ATXN1: variants seen among roughly 807,000 people sequenced by gnomAD.
ATXN1 encodes ataxin-1.
ATXN1 carries 8 observed loss-of-function variants against 56.4 expected under a neutral mutation model. That is an observed-to-expected ratio of 0.14 (90% CI 0.08 to 0.26). The LOEUF (loss-of-function observed/expected upper bound fraction) is 0.26, where lower values mean the gene tolerates loss of function less well. ATXN1 is among the 10% of genes least tolerant of loss of function. The probability of loss-of-function intolerance (pLI) is 1.00; values close to 1 mark genes in which losing one functional copy is unlikely to be tolerated. For missense variants in ATXN1, 987 were observed against 1,106.5 expected (o/e 0.89, Z 1.53); for synonymous variants, 514 against 494.6 (o/e 1.04, Z -0.52).
chr6:16,628,836 T>G (rs78258857), intron 3 of ATXN1, among the ~76,000 whole-genome samples: 12,196 of 152,256 alleles, frequency 0.08, 1,610 homozygotes, highest in African/African-American at 0.28. Flanking sequence ...CATGGTAATA[T>G]GTACCACATT....
intron 6 of ATXN1, among the ~76,000 whole-genome samples, chr6:16,431,704 A>G (rs1350149438): frequency 6.6e-6 from 1 of 152,244 alleles, no homozygotes; most frequent in Non-Finnish European, 1.5e-5. Flanking sequence ...AAACTAAGGC[A>G]GGGAGAACTG....
chr6:16,481,584 C>A (rs1760439767), intron 6 of ATXN1, among the ~76,000 whole-genome samples: 1 of 152,156 alleles, frequency 6.6e-6, no homozygotes, highest in African/African-American at 2.4e-5. Flanking sequence ...CATAGACACA[C>A]AAAATTCCAG....
chr6:16,760,825 T>TC lies in ATXN1; in HGVS notation c.-730+472dup. ...CCACCCCCCAACCCCAGCCGCCGCC[T>TC]CCCCCCTGCGCCACCCGGAGGGAGG... On this transcript the variant is annotated intron_variant, in intron 1 of 7. Coordinates refer to ENST00000436367, the MANE Select transcript of ATXN1 (RefSeq NM_001128164.2). The surrounding 1 kb of genome is among the most constrained non-coding windows in gnomAD (Gnocchi z 5.3). 6.8e-6 allele frequency among the ~76,000 whole-genome samples: 1 copy of TC among 147,616 alleles called. No homozygotes were observed. The highest frequency in any genetic ancestry group is 1.5e-5 in the Non-Finnish European group (1 of 66,666).
rs1761769704 is a variant in ATXN1, at chr6:16,359,792, T to A, written c.-160-31322A>T. ...TTAAAAGGCGTTGCGGCCACAGAAGTTTCCCATCAGAAAAATTGACACCCC... is the reference window on the plus strand; with the variant it reads ...TTAAAAGGCGTTGCGGCCACAGAAGATTCCCATCAGAAAAATTGACACCCC... On this transcript the variant is annotated intron_variant, in intron 6 of 7. Transcript: ENST00000436367. Among the ~76,000 whole-genome samples the A allele has an allele frequency of 2.0e-5, 3 of 151,910 alleles. No individual in the cohort carries two copies. In the South Asian group the frequency reaches 6.3e-4, roughly 32 times the overall value.
chr6:16,671,744 A>G (rs1050648044), intron 2 of ATXN1, among the ~76,000 whole-genome samples: 1 of 152,192 alleles, frequency 6.6e-6, no homozygotes, highest in African/African-American at 2.4e-5. Flanking sequence ...AATTCGAACA[A>G]TCAAGGGTCA....
chr6:16,340,003 G>T (rs999841066), intron 6 of ATXN1, among the ~76,000 whole-genome samples: 2 of 152,148 alleles, frequency 1.3e-5, no homozygotes, highest in Admixed American at 1.3e-4. Flanking sequence ...GGATGGTCTC[G>T]ATCTCTTGAC....
At chr6:16,565,495 G>C (rs1435284672) in intron 4 of ATXN1, among the ~76,000 whole-genome samples, 2 of 152,036 alleles carry the variant, frequency 1.3e-5, no homozygotes, top group Non-Finnish European at 2.9e-5. Flanking sequence ...AAAATCAACA[G>C]TGTTTTTAAA....
At chr6:16,706,999 C>A (rs1304625815) in intron 2 of ATXN1, among the ~76,000 whole-genome samples, 4 of 152,176 alleles carry the variant, frequency 2.6e-5, no homozygotes, top group African/African-American at 9.6e-5. Flanking sequence ...TTTTCTGTCA[C>A]CTAAATGTCT....
chr6:16,387,657 C>T (rs9477110), intron 6 of ATXN1, among the ~76,000 whole-genome samples: 18,330 of 152,108 alleles, frequency 0.12, 1,186 homozygotes, highest in African/African-American at 0.15. Context: ...AGCAGAGGGC[C>T]GTCCTGCCTG....
At chr6:16,719,546 T>C (rs1263734568) in intron 2 of ATXN1, among the ~76,000 whole-genome samples, 1 of 152,148 alleles carries the variant, frequency 6.6e-6, no homozygotes, top group Non-Finnish European at 1.5e-5. Flanking sequence ...GGGCTTAGAA[T>C]GAAAGATTAA....
rs139959906 is a variant in ATXN1, at chr6:16,540,745, C to T, written c.-360-18057G>A. 2.3e-3 allele frequency among the ~76,000 whole-genome samples: 344 copies of T among 152,264 alleles called. 1 individual carries two copies. Among genetic ancestry groups the T allele is most frequent in the African/African-American group, 7.7e-3 (320 of 41,544 alleles). Reference sequence around the variant, plus strand: ...GGTTTGTGTTGTGTTTTACAGTTTACAAAATATTTGCACATGCTTTTTCCC... The same window carrying T: ...GGTTTGTGTTGTGTTTTACAGTTTATAAAATATTTGCACATGCTTTTTCCC... On this transcript the variant is annotated intron_variant, in intron 4 of 7. Transcript: ENST00000436367.
intron 4 of ATXN1, among the ~76,000 whole-genome samples, chr6:16,538,788 C>T (rs550687858): frequency 7.2e-5 from 11 of 152,282 alleles, no homozygotes; most frequent in African/African-American, 2.6e-4. Flanking sequence ...CAGGTTCAAG[C>T]AATCCTCTCG....
At chr6:16,495,993 C>T (rs1173275184) in intron 5 of ATXN1, among the ~76,000 whole-genome samples, 2 of 152,136 alleles carry the variant, frequency 1.3e-5, no homozygotes, top group Admixed American at 6.6e-5. Context: ...ATAATGTTTG[C>T]CCCCACAGAA....
rs1386014272 is a variant in ATXN1, at chr6:16,753,355, G to A, written c.-729-8C>T. ...ACTTGATGCACGATGCTCCTGCAAT[G>A]GTCGAGGGAGTGCAGGAGAGGAAAT... On this transcript the variant is annotated splice_region_variant and splice_polypyrimidine_tract_variant and intron_variant, in intron 1 of 7. Coordinates refer to ENST00000436367, the MANE Select transcript of ATXN1 (RefSeq NM_001128164.2). The A allele has an allele frequency of 2.2e-6, 1 of 456,822 alleles. No homozygotes were observed. Among genetic ancestry groups the A allele is most frequent in the East Asian group, 6.9e-5 (1 of 14,400 alleles). 28.3% of individuals were successfully genotyped at this position (456,822 alleles called of 1,614,324 possible).
chr6:16,388,232 G>A (rs1391216149), intron 6 of ATXN1, among the ~76,000 whole-genome samples: 7 of 152,194 alleles, frequency 4.6e-5, no homozygotes, highest in Non-Finnish European at 1.0e-4. Flanking sequence ...GCTGTCAGCT[G>A]CAGGCCTGGG....
chr6:16,720,280 C>A (rs1012616049), intron 2 of ATXN1, among the ~76,000 whole-genome samples: 22 of 152,294 alleles, frequency 1.4e-4, no homozygotes, highest in African/African-American at 5.1e-4. Flanking sequence ...TGCCATCACT[C>A]TTTCTCCTAA....
At chr6:16,694,011 T>C (rs1473931682) in intron 2 of ATXN1, among the ~76,000 whole-genome samples, 1 of 152,172 alleles carries the variant, frequency 6.6e-6, no homozygotes, top group East Asian at 1.9e-4. Flanking sequence ...AATACAAAAG[T>C]CAAAACTTGA....
intron 6 of ATXN1, among the ~76,000 whole-genome samples, chr6:16,458,547 C>T (rs779962549): frequency 2.3e-4 from 35 of 152,088 alleles, no homozygotes; most frequent in Non-Finnish European, 3.1e-4. Context: ...CTGGCAACCG[C>T]GGTGTTCTCT....
rs554140205 is a variant in ATXN1, at chr6:16,533,308, A to G, written c.-360-10620T>C. Among the ~76,000 whole-genome samples the G allele has an allele frequency of 2.6e-5, 4 of 152,314 alleles. No homozygotes were observed. In the South Asian group the frequency reaches 8.3e-4, roughly 32 times the overall value. ...TCTGTTTGGATCAAGATATCCCAAG[A>G]AGTTTCAAATGAGAGTTGAAACTTG... On this transcript the variant is annotated intron_variant, in intron 4 of 7. Coordinates refer to ENST00000436367, the MANE Select transcript of ATXN1 (RefSeq NM_001128164.2).
Sources: gnomAD v4.1 joint callset for allele counts (sites outside exome capture counted in the v4.1 genomes callset) on GRCh38, gnomAD v4.1.1 for gene constraint, Gnocchi (gnomAD v3.1) non-coding constraint, MANE v1.5 for transcripts, NCBI Gene and HGNC (gene_info 2026-07-23, HGNC 2026-07-21) for gene names.